Variants in BORA observed in about 807,000 individuals in gnomAD.
BORA encodes protein aurora borealis.
In BORA, 26 loss-of-function variants were observed where a neutral mutation model predicts 55.8. That is an observed-to-expected ratio of 0.47 (90% confidence interval 0.34 to 0.65). BORA has a LOEUF of 0.65. Ranked by LOEUF, BORA falls within the 30% of genes least tolerant of loss-of-function variation. BORA has a pLI of 0.01. For missense variants in BORA, 568 were observed against 671.5 expected (o/e 0.85, Z 1.70); for synonymous variants, 201 against 216.9 (o/e 0.93, Z 0.64).
intron 3 of BORA, among the ~76,000 whole-genome samples, chr13:72,732,219 T>C (rs529865172): frequency 6.6e-6 from 1 of 152,266 alleles, no homozygotes; most frequent in African/African-American, 2.4e-5. Context: ...TGCACACATA[T>C]TGAGATATTC....
At position 72,735,908 on chromosome 13, in the gene BORA, C is replaced by T. The variant is rs189427073; in HGVS notation, c.306+903C>T. On this transcript the variant is annotated intron_variant, in intron 4 of 11. Coordinates refer to ENST00000390667, the MANE Select transcript of BORA (RefSeq NM_024808.5). ...ACAGGCGTGAGCCACTGCGCCTGGCCCAGCATCTAAGTAAGGGTTACTTAC... is the reference window on the plus strand; with the variant it reads ...ACAGGCGTGAGCCACTGCGCCTGGCTCAGCATCTAAGTAAGGGTTACTTAC... Among the ~76,000 whole-genome samples, 85 of 152,252 alleles carry T rather than the reference C, an allele frequency of 5.6e-4. 1 individual carries two copies. The East Asian group carries it at 0.015, about 27-fold the overall frequency.
Position 72,731,285 on chromosome 13 carries a change from C to T in BORA, c.158C>T (p.Pro53Leu). The change falls in exon 3 of 12, where the codon CCA (proline) becomes CTA (leucine). Residue 53 changes from proline (P) to leucine (L), a missense_variant. By Grantham distance (98) the Pro-to-Leu change is moderately conservative. Transcript: ENST00000390667. ...AGCTCACTTTCTTTTGTTAAGACTC[C>T]AGGGAAATTTAGATGGTCTATTGAT... ...SVFKSTKLPT[P>L]GKFRWSIDQL... is the part of the protein sequence containing the mutation. 6.2e-7 allele frequency: 1 copy of T among 1,602,598 alleles called. No homozygotes were observed. Among genetic ancestry groups the T allele is most frequent in the South Asian group, 1.1e-5 (1 of 89,602 alleles).
chr13:72,750,381 ACT>A (rs2033242834), intron 10 of BORA, among the ~76,000 whole-genome samples: 1 of 151,410 alleles, frequency 6.6e-6, no homozygotes, highest in African/African-American at 2.4e-5. Flanking sequence ...TGTGTAGATA[ACT>A]CTGGAGTTTA....
At position 72,731,249 on chromosome 13, in the gene BORA, C is replaced by A. The variant is rs775962030; in HGVS notation, c.154-32C>A. On this transcript the variant is annotated intron_variant, in intron 2 of 11. Coordinates refer to ENST00000390667, the MANE Select transcript of BORA (RefSeq NM_024808.5). ...ATTTTGATGAACTATTTTAGTTTGCCTTTACTCATAAGCTCACTTTCTTTT... is the reference window on the plus strand; with the variant it reads ...ATTTTGATGAACTATTTTAGTTTGCATTTACTCATAAGCTCACTTTCTTTT... 1.7e-5 allele frequency: 24 copies of A among 1,383,538 alleles called. 1 individual carries two copies. The South Asian group carries it at 2.9e-4, about 17-fold the overall frequency. The allele number at this position is 1,383,538 out of a possible 1,614,324, so 85.7% of individuals were successfully genotyped here.
intron 5 of BORA, among the ~76,000 whole-genome samples, chr13:72,740,524 C>T (rs1453451054): frequency 1.3e-5 from 2 of 152,090 alleles, no homozygotes; most frequent in African/African-American, 2.4e-5. Context: ...ATGTGGATAT[C>T]GAGTAGTATA....
intron 7 of BORA, 84 bp from the exon 8 acceptor site, chr13:72,744,897 C>T (rs1025343319): frequency 1.8e-5 from 23 of 1,295,796 alleles, no homozygotes; most frequent in Non-Finnish European, 2.5e-5. Flanking sequence ...ATAGTGCATG[C>T]TGGCTTCTTA....
intron 3 of BORA, among the ~76,000 whole-genome samples, chr13:72,734,680 G>A (rs2032883521): frequency 6.6e-6 from 1 of 152,118 alleles, no homozygotes; most frequent in South Asian, 2.1e-4. Flanking sequence ...ATTGTTAAAA[G>A]CAATTTAATA....
chr13:72,755,281 T>A lies in BORA; in HGVS notation c.*65T>A. On this transcript the variant is annotated 3_prime_UTR_variant, in exon 12 of 12. Coordinates refer to ENST00000390667, the MANE Select transcript of BORA (RefSeq NM_024808.5). ...CTCGCATATATCGTTGTGCACAGGA[T>A]CAACATGATGGTGACTGGGAAAAAA... 1 of 1,374,936 alleles carries A rather than the reference T, an allele frequency of 7.3e-7. No homozygotes were observed. The highest frequency in any genetic ancestry group is 1.0e-6 in the Non-Finnish European group (1 of 971,112). The allele number at this position is 1,374,936 out of a possible 1,614,324, so 85.2% of individuals were successfully genotyped here.
At chr13:72,736,150 C>T (rs1032976535) in intron 4 of BORA, among the ~76,000 whole-genome samples, 8 of 152,042 alleles carry the variant, frequency 5.3e-5, no homozygotes, top group African/African-American at 1.9e-4. Flanking sequence ...GGTTCTTCCC[C>T]ACCTGAATAT....
rs1008860223 is a variant in BORA at position 72,743,542 on chromosome 13, A to T, written c.394A>T (p.Asn132Tyr). The T allele has an allele frequency of 4.4e-6, 7 of 1,608,966 alleles. No individual in the cohort carries two copies. The highest frequency in any genetic ancestry group is 5.9e-6 in the Non-Finnish European group (7 of 1,176,584). The change falls in exon 6 of 12, where the codon AAC (asparagine) becomes TAC (tyrosine). Residue 132 changes from asparagine (N) to tyrosine (Y), a missense_variant. Transcript: ENST00000390667. ...LSQCHSSKCT[N>Y]INSDSPVGKK... ...TCACTTAAAATGTCTTACAGGCACTAACATAAATAGTGACTCTCCAGTTGG... is the reference window on the plus strand; with the variant it reads ...TCACTTAAAATGTCTTACAGGCACTTACATAAATAGTGACTCTCCAGTTGG...
intron 3 of BORA, among the ~76,000 whole-genome samples, chr13:72,734,181 C>A (rs1003583834): frequency 1.3e-5 from 2 of 151,910 alleles, no homozygotes; most frequent in African/African-American, 4.8e-5. Flanking sequence ...ATTTGTACCC[C>A]TGAACTTAAA....
At chr13:72,737,787 C>T (rs74839334) in intron 4 of BORA, among the ~76,000 whole-genome samples, 175 bp from the exon 5 acceptor site, 1 of 152,102 alleles carries the variant, frequency 6.6e-6, no homozygotes, top group East Asian at 1.9e-4. Flanking sequence ...TAAGATTCCT[C>T]TTTATATATA....
chr13:72,756,000 A>AT lies in BORA; in HGVS notation c.*785dup, dbSNP rs2033455977. ...TGGGAGAGTGGAGTTCCCGTAGGGC[A>AT]TAGGCCTGTGAAGTAACACTGGGGC... On this transcript the variant is annotated 3_prime_UTR_variant, in exon 12 of 12. Transcript: ENST00000390667. 2.5e-6 allele frequency: 1 copy of AT among 398,632 alleles called. No homozygotes were observed. Among genetic ancestry groups the AT allele is most frequent in the Non-Finnish European group, 4.4e-6 (1 of 226,060 alleles). 24.7% of individuals were successfully genotyped at this position (398,632 alleles called of 1,614,324 possible).
At chr13:72,752,260 C>G (rs1040680660) in intron 10 of BORA, 1 of 151,996 alleles carries the variant, frequency 6.6e-6, no homozygotes, top group Non-Finnish European at 1.5e-5. Flanking sequence ...AATTTTTGTC[C>G]CCTCATCCTT....
At position 72,731,330 on chromosome 13, in the gene BORA, C is replaced by T; in HGVS notation, c.203C>T (p.Pro68Leu). Residue 68 changes from proline to leucine, a missense_variant, in exon 3 of 12, where the codon CCT (proline) becomes CTT (leucine). By Grantham distance (98) the Pro-to-Leu change is moderately conservative. Transcript: ENST00000390667. ...ATTGATCAACTAGCTGTAATAAATCCTGTAGAAATAGACCCAGAAGATATT... is the reference window on the plus strand; with the variant it reads ...ATTGATCAACTAGCTGTAATAAATCTTGTAGAAATAGACCCAGAAGATATT... The part of the protein sequence containing the change: ...WSIDQLAVIN[P>L]VEIDPEDIHR... 1.9e-6 allele frequency: 3 copies of T among 1,612,306 alleles called. No homozygotes were observed. The highest frequency in any genetic ancestry group is 1.1e-5 in the South Asian group (1 of 90,778).
chr13:72,749,803 C>T (rs2033227882), intron 10 of BORA, among the ~76,000 whole-genome samples: 1 of 152,006 alleles, frequency 6.6e-6, no homozygotes, highest in South Asian at 2.1e-4. Flanking sequence ...TAGTTAACTC[C>T]TATTTATTTT....
intron 11 of BORA, 70 bp from the exon 12 acceptor site, chr13:72,755,081 A>G (rs1180168770): frequency 1.5e-6 from 2 of 1,320,904 alleles, no homozygotes; most frequent in East Asian, 2.3e-5. Context: ...TTTTAAAAAC[A>G]GTCCCGATAA....
chr13:72,740,047 G>T (rs1171282825), intron 5 of BORA, among the ~76,000 whole-genome samples: 1 of 152,010 alleles, frequency 6.6e-6, no homozygotes, highest in Non-Finnish European at 1.5e-5. Context: ...GCCATATGTA[G>T]ATGGCCCATA....
chr13:72,754,967 G>A (rs1174136268), intron 11 of BORA, 184 bp from the exon 12 acceptor site: 1 of 536,280 alleles, frequency 1.9e-6, no homozygotes, highest in Non-Finnish European at 3.3e-6. Context: ...TCCCACCTTG[G>A]CCTCTCAAAG....
Sources: allele counts gnomAD v4.1 joint callset (sites outside exome capture counted in the v4.1 genomes callset), GRCh38; gene constraint gnomAD v4.1.1; transcripts MANE v1.5; gene names NCBI Gene and HGNC (gene_info 2026-07-23, HGNC 2026-07-21).